DOP1A: variants seen among roughly 807,000 people sequenced by gnomAD.
DOP1A encodes the protein protein DOP1A.
Under a neutral mutation model 267.6 loss-of-function variants are expected in DOP1A, and 90 were observed. That is an observed-to-expected ratio of 0.34 (90% CI 0.28 to 0.40). The LOEUF (loss-of-function observed/expected upper bound fraction) is 0.40, where lower values mean the gene tolerates loss of function less well. Ranked by LOEUF, DOP1A falls within the 10% of genes least tolerant of loss-of-function variation. The pLI, the probability that DOP1A is intolerant of heterozygous loss-of-function variation, is 1.00. For missense variants in DOP1A, 2,437 were observed against 2,900.4 expected (o/e 0.84, Z 3.67); for synonymous variants, 932 against 999.1 (o/e 0.93, Z 1.27).
chr6:83,162,222 GTT>G (rs199704410), intron 37 of DOP1A, among the ~76,000 whole-genome samples: 2,717 of 152,096 alleles, frequency 0.018, 50 homozygotes, highest in Admixed American at 0.059. Context: ...CATTTATACT[GTT>G]TGAATTTTTC....
At chr6:83,148,337 C>T (rs868319652) in intron 26 of DOP1A, among the ~76,000 whole-genome samples, 1 of 151,904 alleles carries the variant, frequency 6.6e-6, no homozygotes, top group Non-Finnish European at 1.5e-5. Context: ...TTGCTTGAAC[C>T]GGGGAGGTGG....
At chr6:83,132,130 T>G in intron 17 of DOP1A, 46 bp from the exon 18 acceptor site, 1 of 1,572,524 alleles carries the variant, frequency 6.4e-7, no homozygotes, top group Non-Finnish European at 8.7e-7. Flanking sequence ...TTTGTTAAAT[T>G]TTCATGTATG....
chr6:83,122,132 A>G, intron 11 of DOP1A, 82 bp downstream of exon 11: 1 of 1,483,320 alleles, frequency 6.7e-7, no homozygotes, highest in Non-Finnish European at 9.2e-7. Context: ...ATAACTTGGG[A>G]TCCTACTCTA....
chr6:83,152,399 A>G, intron 30 of DOP1A, 32 bp downstream of exon 30: 1 of 1,005,932 alleles, frequency 9.9e-7, no homozygotes, highest in Non-Finnish European at 1.4e-6. Flanking sequence ...ATGAACTCTC[A>G]AGTAGACTGT....
At chr6:83,067,979 C>T (rs1480120408) in intron 1 of DOP1A, among the ~76,000 whole-genome samples, 200 bp downstream of exon 1, 1 of 152,128 alleles carries the variant, frequency 6.6e-6, no homozygotes, top group Non-Finnish European at 1.5e-5. Flanking sequence ...TCGGGAGCTG[C>T]GCGGGGACTG....
Position 83,122,996 on chromosome 6 carries a change from T to C in DOP1A, c.1340+14T>C. ...AGAATGTTGTAGGTATGTTAAACTT[T>C]CATTCCTTTTAATTTCGTAACATCT... On this transcript the variant is annotated intron_variant, in intron 12 of 38. Coordinates refer to ENST00000349129, the MANE Select transcript of DOP1A (RefSeq NM_015018.4). 1 of 1,575,102 alleles carries C rather than the reference T, an allele frequency of 6.3e-7. No individual in the cohort carries two copies. Among genetic ancestry groups the C allele is most frequent in the Non-Finnish European group, 8.6e-7 (1 of 1,167,732 alleles).
chr6:83,134,097 C>T lies in DOP1A; in HGVS notation c.2770-90C>T, dbSNP rs1474775186. The T allele has an allele frequency of 4.1e-6, 4 of 982,544 alleles. No homozygotes were observed. The East Asian group carries it at 7.8e-5, about 19-fold the overall frequency. 60.9% of individuals were successfully genotyped at this position (982,544 alleles called of 1,614,324 possible). A position where few individuals can be genotyped will look rare whatever the true frequency, so the allele number is the denominator to read the frequency against. ...AATATTGTGGACGTTGAACGTAATA[C>T]AGTACTCCTAAATAGTACTCTGATT... On this transcript the variant is annotated intron_variant, in intron 18 of 38. Coordinates refer to ENST00000349129, the MANE Select transcript of DOP1A (RefSeq NM_015018.4).
chr6:83,135,338 AT>A (rs1020256269), intron 19 of DOP1A, among the ~76,000 whole-genome samples: 6 of 151,806 alleles, frequency 4.0e-5, no homozygotes, highest in Non-Finnish European at 7.4e-5. Flanking sequence ...GACTAATCAT[AT>A]TTTTTTTCAG....
At chr6:83,134,937 C>A (rs146354725) in intron 19 of DOP1A, among the ~76,000 whole-genome samples, 2 of 152,250 alleles carry the variant, frequency 1.3e-5, no homozygotes, top group African/African-American at 4.8e-5. Flanking sequence ...AACGTTATTT[C>A]AGCTGGTGCT....
At chr6:83,142,166 C>A in intron 24 of DOP1A, 120 bp downstream of exon 24, 1 of 1,235,590 alleles carries the variant, frequency 8.1e-7, no homozygotes, top group Non-Finnish European at 1.1e-6. Flanking sequence ...AAAAGTCTGT[C>A]GACAGCTTTA....
intron 10 of DOP1A, among the ~76,000 whole-genome samples, chr6:83,121,533 C>T (rs978370716): frequency 6.6e-6 from 1 of 151,570 alleles, no homozygotes; most frequent in Admixed American, 6.6e-5. Flanking sequence ...TTGTTGAATA[C>T]TTATTATATT....
chr6:83,169,642 G>A (rs1786663764), downstream of DOP1A: 1 of 470,234 alleles, frequency 2.1e-6, no homozygotes, highest in Admixed American at 2.4e-5. Flanking sequence ...AAGTACTAAT[G>A]CCTCTGTTGC....
At chr6:83,095,892 C>T (rs1771400823) in intron 1 of DOP1A, among the ~76,000 whole-genome samples, 1 of 152,022 alleles carries the variant, frequency 6.6e-6, no homozygotes, top group African/African-American at 2.4e-5. Context: ...CCATAGGGCT[C>T]CTTGAAAGTG....
Position 83,067,740 on chromosome 6 carries a change from G to A in DOP1A, c.-186G>A, listed in dbSNP as rs991741216. On this transcript the variant is annotated 5_prime_UTR_variant, in exon 1 of 39. Coordinates refer to ENST00000349129, the MANE Select transcript of DOP1A (RefSeq NM_015018.4). The stretch of plus-strand genomic sequence containing the variant: ...CTCGGTGTAGCTGCCGTGGTTGCCA[G>A]GAGAGCTGCGCCGGCGAGAAGCGGC... The A allele has an allele frequency of 6.6e-6, 1 of 152,384 alleles. No individual in the cohort carries two copies. The highest frequency in any genetic ancestry group is 6.5e-5 in the Admixed American group (1 of 15,304). 9.4% of individuals were successfully genotyped at this position (152,384 alleles called of 1,614,324 possible).
intron 15 of DOP1A, among the ~76,000 whole-genome samples, chr6:83,126,994 T>C (rs945849162): frequency 2.0e-5 from 3 of 152,076 alleles, no homozygotes; most frequent in African/African-American, 7.2e-5. Context: ...TAGAAGCTGC[T>C]TTTTTATGCT....
At chr6:83,069,851 G>A (rs918188093) in intron 1 of DOP1A, among the ~76,000 whole-genome samples, 3 of 152,160 alleles carry the variant, frequency 2.0e-5, no homozygotes, top group Non-Finnish European at 4.4e-5. Context: ...CTTTTGCTGT[G>A]ATGATTTCTC....
At chr6:83,095,611 A>G (rs796231248) in intron 1 of DOP1A, among the ~76,000 whole-genome samples, 18 of 152,300 alleles carry the variant, frequency 1.2e-4, no homozygotes, top group Middle Eastern at 3.4e-3. Flanking sequence ...CCTTAATTCA[A>G]TTATTCCTAT....
At chr6:83,144,068 T>C (rs150236697) in intron 24 of DOP1A, among the ~76,000 whole-genome samples, 41 of 152,306 alleles carry the variant, frequency 2.7e-4, no homozygotes, top group African/African-American at 9.4e-4. Flanking sequence ...CCAGCCAAAC[T>C]GTCACTCAAA....
chr6:83,129,347 G>C lies in DOP1A; in HGVS notation c.2180G>C (p.Gly727Ala), dbSNP rs764264983. ...TCAAAATGGGACAGAAATTCACAAG[G>C]AGATGTAAAAGAGAAAAACATAAGT... is the stretch of plus-strand genomic sequence containing the variant. Reference protein sequence around the residue: ...ETSKWDRNSQGDVKEKNISKQ... With the variant: ...ETSKWDRNSQADVKEKNISKQ... The change falls in exon 16 of 39, where the codon GGA (glycine) becomes GCA (alanine). Residue 727 changes from glycine (G) to alanine (A), a missense_variant. Coordinates refer to ENST00000349129, the MANE Select transcript of DOP1A (RefSeq NM_015018.4). 1 of 1,606,460 alleles carries C rather than the reference G, an allele frequency of 6.2e-7. No individual in the cohort carries two copies. Among genetic ancestry groups the C allele is most frequent in the South Asian group, 1.1e-5 (1 of 89,224 alleles).
Sources: gnomAD v4.1 joint callset for allele counts (sites outside exome capture counted in the v4.1 genomes callset) on GRCh38, gnomAD v4.1.1 for gene constraint, MANE v1.5 for transcripts, NCBI Gene and HGNC (gene_info 2026-07-23, HGNC 2026-07-21) for gene names.